MAP3K21: variants seen among roughly 807,000 people sequenced by gnomAD.
MAP3K21 encodes mitogen-activated protein kinase kinase kinase 21.
Under a neutral mutation model 86.1 loss-of-function variants are expected in MAP3K21, and 63 were observed. The ratio of observed to expected loss-of-function variants is 0.73; its 90% confidence interval spans 0.60 to 0.90. The LOEUF (loss-of-function observed/expected upper bound fraction) is 0.90, where lower values mean the gene tolerates loss of function less well. Among genes scored for constraint, MAP3K21 ranks in the 40% least tolerant of loss-of-function variants. The pLI, the probability that MAP3K21 is intolerant of heterozygous loss-of-function variation, is 0.00. For synonymous variants in MAP3K21, 558 were observed against 564.8 expected, an observed-to-expected ratio of 0.99 and a Z score of 0.17; for missense variants, 1,220 against 1,367.7, an observed-to-expected ratio of 0.89 and a Z score of 1.70.
chr1:233,353,959 T>TTGTG lies in MAP3K21; in HGVS notation c.1135+20_1135+23dup, dbSNP rs367946480. 8 of 1,507,728 alleles carry TTGTG rather than the reference T, an allele frequency of 5.3e-6. No homozygotes were observed. The highest frequency in any genetic ancestry group is 4.2e-5 in the African/African-American group (3 of 71,286). 93.4% of individuals were successfully genotyped at this position (1,507,728 alleles called of 1,614,324 possible). On this transcript the variant is annotated splice_donor_region_variant and intron_variant, in intron 3 of 9. Transcript: ENST00000366624. The stretch of plus-strand genomic sequence containing the variant: ...CCGTTTGCCAAGCTCATGAAAGGTA[T>TTGTG]TGTGTGTGTGTGTGTGTGTCTTTGT...
chr1:233,375,027 T>G (rs746180579), intron 6 of MAP3K21, among the ~76,000 whole-genome samples: 2 of 151,742 alleles, frequency 1.3e-5, no homozygotes, highest in Non-Finnish European at 2.9e-5. Context: ...CTGCAACTTC[T>G]GCCACCTGGG....
chr1:233,380,214 G>A (rs1432416347), intron 9 of MAP3K21, among the ~76,000 whole-genome samples: 1 of 152,244 alleles, frequency 6.6e-6, no homozygotes, highest in Non-Finnish European at 1.5e-5. Flanking sequence ...TTGTCCAGCA[G>A]TTCCAGAGGC....
intron 9 of MAP3K21, among the ~76,000 whole-genome samples, chr1:233,380,081 C>G (rs2102769313): frequency 6.6e-6 from 1 of 152,234 alleles, no homozygotes; most frequent in East Asian, 1.9e-4. Flanking sequence ...CGGGCCTTGT[C>G]TCCTCCACTG....
chr1:233,328,536 C>T lies in MAP3K21; in HGVS notation c.508C>T (p.Arg170Cys), dbSNP rs1177713321. ...GGCGGCGGCTGCCGAGAGCGTGCGG[C>T]GCGAGGCTCGGCTCTTCGCCATGCT... ...DAAAAAESVR[R>C]EARLFAMLRH... The change falls in exon 1 of 10, where the codon CGC (arginine) becomes TGC (cysteine). Residue 170 changes from arginine (R) to cysteine (C), a missense_variant. Arg to Cys is a radical substitution (Grantham distance 180). Transcript: ENST00000366624. This position sits in a 1 kb window ranked among gnomAD's most constrained non-coding sequence, Gnocchi z 8.7. 5.9e-6 allele frequency: 9 copies of T among 1,531,966 alleles called. No homozygotes were observed. Among genetic ancestry groups the T allele is most frequent in the African/African-American group, 1.4e-5 (1 of 69,966 alleles). 94.9% of individuals were successfully genotyped at this position (1,531,966 alleles called of 1,614,324 possible). A position where few individuals can be genotyped will look rare whatever the true frequency, so the allele number is the denominator to read the frequency against.
rs1558451241 is a variant in MAP3K21, at chr1:233,339,377, T to TCCTC, written c.806-7064_806-7063insCTCC. On this transcript the variant is annotated intron_variant, in intron 1 of 9. Coordinates refer to ENST00000366624, the MANE Select transcript of MAP3K21 (RefSeq NM_032435.3). ...CTCTTCTCCTTCTCCTCCTTCTCCT[T>TCCTC]CTTCTCCTTCTTCTCCTCCTTCTCC... is the stretch of plus-strand genomic sequence containing the variant. Among the ~76,000 whole-genome samples the TCCTC allele has an allele frequency of 4.1e-3, 208 of 50,506 alleles. 5 individuals are homozygous for TCCTC. Among genetic ancestry groups the TCCTC allele is most frequent in the Middle Eastern group, 7.4e-3 (1 of 136 alleles). 33.1% of individuals were successfully genotyped at this position (50,506 alleles called of 152,430 possible).
In MAP3K21 at chr1:233,346,557, C is replaced by G; in HGVS notation, c.921C>G (p.Thr307=). The change falls in exon 2 of 10, where the codon ACC becomes ACG. Residue 307 remains threonine, a synonymous_variant. Transcript: ENST00000366624. Reference sequence around the variant, plus strand: ...CCACCAAAATGAGCACAGCAGGCACCTATGCCTGGATGGCCCCCGAAGTGA... The same window carrying G: ...CCACCAAAATGAGCACAGCAGGCACGTATGCCTGGATGGCCCCCGAAGTGA... ...HRTTKMSTAG[T]YAWMAPEVIK... 1 of 1,613,816 alleles carries G rather than the reference C, an allele frequency of 6.2e-7. No individual in the cohort carries two copies. The highest frequency in any genetic ancestry group is 8.5e-7 in the Non-Finnish European group (1 of 1,179,722).
intron 4 of MAP3K21, among the ~76,000 whole-genome samples, chr1:233,361,045 G>T (rs1663458447): frequency 6.6e-6 from 1 of 152,142 alleles, no homozygotes. Flanking sequence ...GTGAGTGCTT[G>T]ATTTCTTAGC....
Position 233,362,076 on chromosome 1 carries a change from G to A in MAP3K21, c.1335G>A (p.Glu445=), listed in dbSNP as rs376627320. ...KEKELRSREE[E]LTRAALQQKS... The stretch of plus-strand genomic sequence containing the variant: ...AGGAGCTGCGATCCCGGGAAGAGGA[G>A]CTGACTCGGGCGGCTCTGCAGCAGA... Residue 445 remains glutamate (E), a synonymous_variant, in exon 5 of 10, where the codon GAG becomes GAA. Coordinates refer to ENST00000366624, the MANE Select transcript of MAP3K21 (RefSeq NM_032435.3). The A allele has an allele frequency of 4.3e-6, 7 of 1,612,668 alleles. No homozygotes were observed. In the African/African-American group the frequency reaches 8.0e-5, roughly 18 times the overall value.
intron 6 of MAP3K21, chr1:233,373,633 A>C (rs1663729039): frequency 6.6e-6 from 1 of 152,392 alleles, no homozygotes; most frequent in Non-Finnish European, 1.5e-5. Context: ...GCTCATCTTC[A>C]TTGTGACCCT....
chr1:233,339,452 C>T (rs61826061), intron 1 of MAP3K21, among the ~76,000 whole-genome samples: 50,154 of 131,352 alleles, frequency 0.38, 11,205 homozygotes, highest in East Asian at 0.55. Flanking sequence ...TTCTCCTCCT[C>T]CTTCTCCTCC....
At chr1:233,356,633 G>T (rs574052296) in intron 4 of MAP3K21, among the ~76,000 whole-genome samples, 1 of 152,308 alleles carries the variant, frequency 6.6e-6, no homozygotes, top group South Asian at 2.1e-4. Context: ...AAGGAAACGT[G>T]CTTAAAGTTG....
chr1:233,379,736 C>T, intron 9 of MAP3K21, 26 bp downstream of exon 9: 2 of 1,527,222 alleles, frequency 1.3e-6, no homozygotes, highest in African/African-American at 1.4e-5. Context: ...TAGGTAAAAG[C>T]ATAAAACACT....
At position 233,353,916 on chromosome 1, in the gene MAP3K21, C is replaced by T; in HGVS notation, c.1096C>T (p.Pro366Ser). The change falls in exon 3 of 10, where the codon CCA becomes TCA. Residue 366 changes from proline to serine, a missense_variant. Coordinates refer to ENST00000366624, the MANE Select transcript of MAP3K21 (RefSeq NM_032435.3). ...VAVNKLTLPI[P>S]STCPEPFAKL... ...AGTCAATAAACTCACTTTGCCCATTCCATCCACCTGCCCTGAGCCGTTTGC... is the reference window on the plus strand; with the variant it reads ...AGTCAATAAACTCACTTTGCCCATTTCATCCACCTGCCCTGAGCCGTTTGC... 6.2e-7 allele frequency: 1 copy of T among 1,612,464 alleles called. No individual in the cohort carries two copies. Among genetic ancestry groups the T allele is most frequent in the Non-Finnish European group, 8.5e-7 (1 of 1,179,340 alleles).
chr1:233,351,558 G>A (rs896168986), intron 2 of MAP3K21, among the ~76,000 whole-genome samples: 1 of 152,066 alleles, frequency 6.6e-6, no homozygotes, highest in African/African-American at 2.4e-5. Flanking sequence ...GGGTGTGGTG[G>A]CGGGTGCCTG....
rs1662730365 is a variant in MAP3K21, at chr1:233,328,145, C to A, written c.117C>A (p.Gly39=). 2 of 1,434,154 alleles carry A rather than the reference C, an allele frequency of 1.4e-6. No individual in the cohort carries two copies. The highest frequency in any genetic ancestry group is 2.8e-5 in the South Asian group (2 of 71,400). The allele number at this position is 1,434,154 out of a possible 1,614,324, so 88.8% of individuals were successfully genotyped here. The change falls in exon 1 of 10, where the codon GGC becomes GGA. Residue 39 remains glycine, a synonymous_variant. Coordinates refer to ENST00000366624, the MANE Select transcript of MAP3K21 (RefSeq NM_032435.3). This position sits in a 1 kb window ranked among gnomAD's most constrained non-coding sequence, Gnocchi z 8.7. ...CCTCGGGCGGCTCGGCCTCGGCGGG[C>A]GCGGGGCTGTGGGCCGCGCTCTATG... ...STSSGGSASA[G]AGLWAALYDY...
At chr1:233,339,406 TCCTC>T (rs1662991331) in intron 1 of MAP3K21, among the ~76,000 whole-genome samples, 1 of 61,428 alleles carries the variant, frequency 1.6e-5, no homozygotes, top group African/African-American at 8.0e-5. Context: ...CTTCTCCTCC[TCCTC>T]CTCCTCCTTC....
At chr1:233,344,789 C>G (rs1164012526) in intron 1 of MAP3K21, among the ~76,000 whole-genome samples, 1 of 152,162 alleles carries the variant, frequency 6.6e-6, no homozygotes, top group Non-Finnish European at 1.5e-5. Context: ...TCAGAGTGAA[C>G]AGACAACCTA....
Position 233,330,675 on chromosome 1 carries a change from A to T in MAP3K21, c.805+1842A>T, listed in dbSNP as rs576510852. Among the ~76,000 whole-genome samples, 3 of 152,336 alleles carry T rather than the reference A, an allele frequency of 2.0e-5. No individual in the cohort carries two copies. The South Asian group carries it at 6.2e-4, about 32-fold the overall frequency. On this transcript the variant is annotated intron_variant, in intron 1 of 9. Coordinates refer to ENST00000366624, the MANE Select transcript of MAP3K21 (RefSeq NM_032435.3). ...ACAGAACCCAACATTCTGCAAATGTATCCAAATCATCAACACAAGCAAACA... is the reference window on the plus strand; with the variant it reads ...ACAGAACCCAACATTCTGCAAATGTTTCCAAATCATCAACACAAGCAAACA...
At chr1:233,337,035 G>A (rs1281142064) in intron 1 of MAP3K21, among the ~76,000 whole-genome samples, 1 of 152,200 alleles carries the variant, frequency 6.6e-6, no homozygotes, top group East Asian at 1.9e-4. Flanking sequence ...TGTGGTAGTA[G>A]GTTTGAGCTC....
Sources: allele counts gnomAD v4.1 joint callset (sites outside exome capture counted in the v4.1 genomes callset), GRCh38; gene constraint gnomAD v4.1.1; non-coding constraint Gnocchi (gnomAD v3.1); transcripts MANE v1.5; gene names NCBI Gene and HGNC (gene_info 2026-07-23, HGNC 2026-07-21).